The following MYO1A variants were observed in gnomAD, a reference collection of about 807,000 sequenced individuals.
MYO1A encodes unconventional myosin-Ia.
Under a neutral mutation model 138.5 loss-of-function variants are expected in MYO1A, and 127 were observed. That is an observed-to-expected ratio of 0.92 (90% CI 0.79 to 1.06). The LOEUF (loss-of-function observed/expected upper bound fraction) is 1.06. Ranked by LOEUF, MYO1A falls within the 50% of genes least tolerant of loss-of-function variation. The pLI, the probability that MYO1A is intolerant of heterozygous loss-of-function variation, is 0.00. For synonymous variants in MYO1A, 477 were observed against 497.5 expected (o/e 0.96, Z 0.55); for missense variants, 1,211 against 1,288.8 (o/e 0.94, Z 0.92).
Position 57,041,295 on chromosome 12 carries a change from G to A in MYO1A, c.1165-7C>T. ...ATTGCTCAAAGCTATTATCCTGAGA[G>A]AGGGAGCACAGGTTAGAGAGCTCAC... On this transcript the variant is annotated splice_region_variant and splice_polypyrimidine_tract_variant and intron_variant, in intron 13 of 27. Coordinates refer to ENST00000300119, the MANE Select transcript of MYO1A (RefSeq NM_005379.4). 6.2e-7 allele frequency: 1 copy of A among 1,612,908 alleles called. No individual in the cohort carries two copies. Among genetic ancestry groups the A allele is most frequent in the South Asian group, 1.1e-5 (1 of 91,030 alleles).
rs936298255 is a variant in MYO1A at position 57,028,951 on chromosome 12, C to T, written c.3006-70G>A. The T allele has an allele frequency of 1.3e-5, 21 of 1,588,904 alleles. No homozygotes were observed. The African/African-American group carries it at 2.6e-4, about 19-fold the overall frequency. On this transcript the variant is annotated intron_variant, in intron 27 of 27. Coordinates refer to ENST00000300119, the MANE Select transcript of MYO1A (RefSeq NM_005379.4). The stretch of plus-strand genomic sequence containing the variant: ...CCCGACTCCCGCATTTCCATGATGG[C>T]CCCCCCATCATGCGAGTCAGAGGAC...
rs777418017 is a variant in MYO1A, at chr12:57,043,304, G to C, written c.947C>G (p.Ala316Gly). The change falls in exon 11 of 28, where the codon GCT (alanine) becomes GGT (glycine). Residue 316 changes from alanine (A) to glycine (G), a missense_variant. Transcript: ENST00000300119. ...TGTTTCCATGGTCCTCGAGCACAAA[G>C]CTCTCTCTACTTCTTCTGAATTCAA... Reference protein sequence around the residue: ...VGLNSEEVERALCSRTMETAK... With the variant: ...VGLNSEEVERGLCSRTMETAK... 2.5e-6 allele frequency: 4 copies of C among 1,613,996 alleles called. No homozygotes were observed. Among genetic ancestry groups the C allele is most frequent in the Non-Finnish European group, 3.4e-6 (4 of 1,180,006 alleles).
chr12:57,037,135 G>A, intron 19 of MYO1A, 44 bp from the exon 20 acceptor site: 1 of 1,611,234 alleles, frequency 6.2e-7, no homozygotes, highest in Non-Finnish European at 8.5e-7. Flanking sequence ...TGGCTCAGGG[G>A]AACAGTGCTG....
chr12:57,049,680 T>C (rs927085390), intron 1 of MYO1A, among the ~76,000 whole-genome samples: 3 of 152,228 alleles, frequency 2.0e-5, no homozygotes, highest in Admixed American at 6.5e-5. Flanking sequence ...TTCTAGATTT[T>C]ACAAAAAGCT....
Position 57,041,234 on chromosome 12 carries a change from C to G in MYO1A, c.1219G>C (p.Val407Leu). The G allele has an allele frequency of 1.9e-6, 3 of 1,614,014 alleles. No individual in the cohort carries two copies. In the African/African-American group the frequency reaches 4.0e-5, roughly 22 times the overall value. ...INYCNEKLQQ[V>L]FIEMTLKEEQ... ...TCTTTCAGGGTCATCTCTATGAACA[C>G]CTGCTGCAGCTTCTCATTGCAGTAG... Residue 407 changes from valine to leucine, a missense_variant, in exon 14 of 28, where the codon GTG becomes CTG. Coordinates refer to ENST00000300119, the MANE Select transcript of MYO1A (RefSeq NM_005379.4).
chr12:57,044,763 T>C (rs1479234397), intron 8 of MYO1A, among the ~76,000 whole-genome samples: 1 of 152,212 alleles, frequency 6.6e-6, no homozygotes, highest in Non-Finnish European at 1.5e-5. Context: ...TCCCCCAACT[T>C]TTATGAAACA....
intron 12 of MYO1A, 26 bp downstream of exon 12, chr12:57,043,046 A>G: frequency 6.2e-7 from 1 of 1,612,404 alleles, no homozygotes; most frequent in Non-Finnish European, 8.5e-7. Flanking sequence ...ACAGGAGAGC[A>G]TGGAGAAAGC....
intron 24 of MYO1A, 84 bp downstream of exon 24, chr12:57,030,126 C>A: frequency 7.4e-7 from 1 of 1,348,690 alleles, no homozygotes; most frequent in Non-Finnish European, 1.1e-6. Flanking sequence ...GGGTGACAAT[C>A]CTGCCAGGTG....
chr12:57,047,108 C>CT lies in MYO1A; in HGVS notation c.431-2dup, dbSNP rs755929322. On this transcript the variant is annotated splice_acceptor_variant, in intron 5 of 27. Coordinates refer to ENST00000300119, the MANE Select transcript of MYO1A (RefSeq NM_005379.4). LOFTEE classifies it high-confidence loss of function. ...CGAATGGTCTTGGCATTGCCAAAAGCTACAGAGATGAGGAGGGGAGAAGTG... is the reference window on the plus strand; with the variant it reads ...CGAATGGTCTTGGCATTGCCAAAAGCTTACAGAGATGAGGAGGGGAGAAGTG... The CT allele has an allele frequency of 7.9e-5, 127 of 1,613,952 alleles. No individual in the cohort carries two copies. The highest frequency in any genetic ancestry group is 1.0e-4 in the Non-Finnish European group (119 of 1,179,996).
At chr12:57,029,083 C>T (rs1565638858) in intron 27 of MYO1A, 49 bp downstream of exon 27, 1 of 1,613,724 alleles carries the variant, frequency 6.2e-7, no homozygotes, top group Non-Finnish European at 8.5e-7. Flanking sequence ...TGACCATCAG[C>T]CTGGCCATCT....
In MYO1A at chr12:57,030,353, G is replaced by A. The variant is rs748634972; in HGVS notation, c.2485-37C>T. ...GAGGGACAGGAGCTAAAATCATAGA[G>A]TGGGAGGGCAGGGCTGGGGAGGGAG... On this transcript the variant is annotated intron_variant, in intron 23 of 27. Transcript: ENST00000300119. The A allele has an allele frequency of 6.0e-6, 9 of 1,503,496 alleles. No homozygotes were observed. In the East Asian group the frequency reaches 1.1e-4, roughly 19 times the overall value. The allele number at this position is 1,503,496 out of a possible 1,614,324, so 93.1% of individuals were successfully genotyped here. A position where few individuals can be genotyped will look rare whatever the true frequency, so the allele number is the denominator to read the frequency against.
chr12:57,037,914 C>T lies in MYO1A; in HGVS notation c.1916G>A (p.Arg639Gln), dbSNP rs144320005. 87 of 1,614,150 alleles carry T rather than the reference C, an allele frequency of 5.4e-5. 1 individual carries two copies. The Middle Eastern group carries it at 1.3e-3, about 24-fold the overall frequency. Residue 639 changes from arginine (R) to glutamine (Q), a missense_variant, in exon 18 of 28, where the codon CGA becomes CAA. Physicochemically the swap from Arg to Gln is conservative, Grantham distance 43 (BLOSUM62 1). Transcript: ENST00000300119. ...AGGCCAGGTGCTCCGGCTCAGCAAT[C>T]GGTACCTTTCCAGGAAGGGCCCATA... ...QGYGPFLERY[R>Q]LLSRSTWPHW...
At position 57,037,576 on chromosome 12, in the gene MYO1A, G is replaced by C; in HGVS notation, c.2027C>G (p.Thr676Arg). The change falls in exon 19 of 28, where the codon ACA becomes AGA. Residue 676 changes from threonine to arginine, a missense_variant. By Grantham distance (71) the Thr-to-Arg change is moderately conservative. Coordinates refer to ENST00000300119, the MANE Select transcript of MYO1A (RefSeq NM_005379.4). ...CTTGGGGCTTCTAATGAAGATCTTT[G>C]TCTTGCCAAAGGCCAGCTCCCCCGA... ...MSSGELAFGKTKIFIRSPKTL... is the reference protein window; with the variant it reads ...MSSGELAFGKRKIFIRSPKTL... 1.2e-6 allele frequency: 2 copies of C among 1,614,048 alleles called. No individual in the cohort carries two copies. The highest frequency in any genetic ancestry group is 2.2e-5 in the South Asian group (2 of 91,074).
intron 10 of MYO1A, 55 bp from the exon 11 acceptor site, chr12:57,043,413 G>T: frequency 1.3e-6 from 2 of 1,534,168 alleles, no homozygotes; most frequent in East Asian, 2.2e-5. Context: ...TCTCAGGGGA[G>T]GGAGTGCAAT....
chr12:57,029,827 G>T lies in MYO1A; in HGVS notation c.2637C>A (p.Asn879Lys). The change falls in exon 25 of 28, where the codon AAC becomes AAA. Residue 879 changes from asparagine to lysine, a missense_variant. Asn to Lys is a moderately conservative substitution (Grantham distance 94). Transcript: ENST00000300119. Reference protein sequence around the residue: ...FCGDYIGLQGNPKLQKLKGGE... With the variant: ...FCGDYIGLQGKPKLQKLKGGE... ...CGCCTTTCAGCTTCTGCAGCTTGGG[G>T]TTCCCTTGCAGCCCAATGTAGTCAC... The T allele has an allele frequency of 6.2e-7, 1 of 1,614,152 alleles. No individual in the cohort carries two copies. The highest frequency in any genetic ancestry group is 8.5e-7 in the Non-Finnish European group (1 of 1,180,036).
Position 57,039,260 on chromosome 12 carries a change from T to C in MYO1A, c.1284A>G (p.Thr428=), listed in dbSNP as rs753204028. ...EEYKREGIPW[T]KVDYFDNGII... Reference sequence around the variant, plus strand: ...TGCCATTATCAAAGTAGTCCACCTTTGTCCACGGTATGCCCTGGTCAGGGG... The same window carrying C: ...TGCCATTATCAAAGTAGTCCACCTTCGTCCACGGTATGCCCTGGTCAGGGG... The change falls in exon 15 of 28, where the codon ACA becomes ACG. Residue 428 remains threonine (T), a synonymous_variant. Transcript: ENST00000300119. 4 of 1,614,144 alleles carry C rather than the reference T, an allele frequency of 2.5e-6. No individual in the cohort carries two copies. The East Asian group carries it at 8.9e-5, about 36-fold the overall frequency.
chr12:57,036,861 G>C (rs2030574786), intron 20 of MYO1A, 21 bp from the exon 21 acceptor site: 1 of 1,614,056 alleles, frequency 6.2e-7, no homozygotes, highest in Non-Finnish European at 8.5e-7. Flanking sequence ...CATAGGAGTT[G>C]TTAGAAAAAT....
chr12:57,041,855 T>C (rs2030875379), intron 12 of MYO1A, among the ~76,000 whole-genome samples: 1 of 152,214 alleles, frequency 6.6e-6, no homozygotes, highest in Non-Finnish European at 1.5e-5. Context: ...ATTGTTCCCA[T>C]TTTACAGATA....
At position 57,029,596 on chromosome 12, in the gene MYO1A, G is replaced by A. The variant is rs772061719; in HGVS notation, c.2725-9C>T. The A allele has an allele frequency of 8.8e-5, 142 of 1,614,078 alleles. No individual in the cohort carries two copies. The highest frequency in any genetic ancestry group is 3.8e-5 in the Non-Finnish European group (45 of 1,180,038). On this transcript the variant is annotated splice_polypyrimidine_tract_variant and intron_variant, in intron 25 of 27. Transcript: ENST00000300119. ...AGAATCCGAGAAGAAGTCTAGGGAC[G>A]GAACAGGCAAGGGTGAGGAAAGGCA...
Sources: gnomAD v4.1 joint callset for allele counts (sites outside exome capture counted in the v4.1 genomes callset) on GRCh38, gnomAD v4.1.1 for gene constraint, MANE v1.5 for transcripts, NCBI Gene and HGNC (gene_info 2026-07-23, HGNC 2026-07-21) for gene names.